PTPRR: variants seen among roughly 807,000 people sequenced by gnomAD.
PTPRR encodes protein tyrosine phosphatase receptor type R.
Under a neutral mutation model 77.2 loss-of-function variants are expected in PTPRR, and 38 were observed. The ratio of observed to expected loss-of-function variants is 0.49; its 90% confidence interval spans 0.38 to 0.65. The LOEUF is 0.65. Ranked by LOEUF, PTPRR falls within the 30% of genes least tolerant of loss-of-function variation. The pLI, the probability that PTPRR is intolerant of heterozygous loss-of-function variation, is 0.00. For synonymous variants in PTPRR, 299 were observed against 283.1 expected (o/e 1.06, Z -0.57); for missense variants, 744 against 799.2 (o/e 0.93, Z 0.83).
At chr12:70,758,222 A>C (rs1377677937) in intron 4 of PTPRR, among the ~76,000 whole-genome samples, 1 of 152,180 alleles carries the variant, frequency 6.6e-6, no homozygotes, top group Non-Finnish European at 1.5e-5. Flanking sequence ...TTTTATGAGA[A>C]TCTATCACAT....
intron 2 of PTPRR, among the ~76,000 whole-genome samples, chr12:70,815,969 C>T (rs917728880): frequency 3.9e-5 from 6 of 151,974 alleles, no homozygotes; most frequent in African/African-American, 1.2e-4. Context: ...TCACATATTG[C>T]GATGAACATG....
intron 1 of PTPRR, among the ~76,000 whole-genome samples, chr12:70,905,781 C>A (rs1893612325): frequency 6.6e-6 from 1 of 151,796 alleles, no homozygotes; most frequent in Admixed American, 6.6e-5. Flanking sequence ...AAGTCAATGT[C>A]AATAACTTGT....
intron 2 of PTPRR, among the ~76,000 whole-genome samples, chr12:70,865,836 T>C (rs999967280): frequency 2.0e-5 from 3 of 152,000 alleles, no homozygotes; most frequent in Admixed American, 6.6e-5. Context: ...TCTAAGGTGA[T>C]TGAGAGAGCA....
chr12:70,767,747 T>C (rs1250206731), intron 2 of PTPRR, among the ~76,000 whole-genome samples: 4 of 152,174 alleles, frequency 2.6e-5, no homozygotes, highest in Non-Finnish European at 4.4e-5. Context: ...TGTTCCAAAA[T>C]TGACCACATA....
intron 8 of PTPRR, among the ~76,000 whole-genome samples, chr12:70,685,563 T>C (rs1565646892): frequency 6.6e-6 from 1 of 151,486 alleles, no homozygotes. Context: ...GGCATGAGAA[T>C]TGCTTGAACC....
chr12:70,769,489 C>A (rs1032063939), intron 2 of PTPRR, among the ~76,000 whole-genome samples: 5 of 152,110 alleles, frequency 3.3e-5, no homozygotes, highest in Admixed American at 2.6e-4. Flanking sequence ...AACTACAAAC[C>A]ACTGCTCAAT....
At chr12:70,769,818 A>G in intron 2 of PTPRR, among the ~76,000 whole-genome samples, 1 of 152,088 alleles carries the variant, frequency 6.6e-6, no homozygotes, top group East Asian at 1.9e-4. Context: ...AGAGATATAG[A>G]TCAATGGAAC....
At position 70,808,901 on chromosome 12, in the gene PTPRR, ATCT is replaced by A. The variant is rs572228482; in HGVS notation, c.358-44126_358-44124del. Among the ~76,000 whole-genome samples, 7 of 152,234 alleles carry A rather than the reference ATCT, an allele frequency of 4.6e-5. No individual in the cohort carries two copies. The South Asian group carries it at 1.2e-3, about 27-fold the overall frequency. On this transcript the variant is annotated intron_variant, in intron 2 of 13. Coordinates refer to ENST00000283228, the MANE Select transcript of PTPRR (RefSeq NM_002849.4). ...CCCCAACCTAAGTGCTACTTCCATG[ATCT>A]TCTTACTCTAAATCAGAAATTGCTC...
At chr12:70,787,721 A>G (rs1040289497) in intron 2 of PTPRR, among the ~76,000 whole-genome samples, 5 of 152,240 alleles carry the variant, frequency 3.3e-5, no homozygotes, top group Non-Finnish European at 5.9e-5. Flanking sequence ...GCAGCCCTAT[A>G]TTTTGTGGGA....
At position 70,797,968 on chromosome 12, in the gene PTPRR, T is replaced by C. The variant is rs532401131; in HGVS notation, c.358-33190A>G. ...ATTCTATGTGCTGATATTTTCCAAA[T>C]GTCTCTGTCTTCAGCCAAAGTCTTT... On this transcript the variant is annotated intron_variant, in intron 2 of 13. Coordinates refer to ENST00000283228, the MANE Select transcript of PTPRR (RefSeq NM_002849.4). Among the ~76,000 whole-genome samples the C allele has an allele frequency of 5.8e-4, 89 of 152,342 alleles. No homozygotes were observed. The South Asian group carries it at 0.016, about 27-fold the overall frequency.
chr12:70,763,966 T>A (rs898456259), intron 3 of PTPRR, among the ~76,000 whole-genome samples: 26 of 151,708 alleles, frequency 1.7e-4, no homozygotes, highest in Admixed American at 7.2e-4. Flanking sequence ...GATTGACATA[T>A]AGGCCTAGAC....
chr12:70,846,979 TA>T (rs1168830477), intron 2 of PTPRR, among the ~76,000 whole-genome samples: 3 of 152,084 alleles, frequency 2.0e-5, no homozygotes, highest in African/African-American at 7.2e-5. Flanking sequence ...TGCCACTGTG[TA>T]AACTCCTGGC....
chr12:70,762,964 A>G (rs904715591), intron 3 of PTPRR, among the ~76,000 whole-genome samples: 1 of 152,094 alleles, frequency 6.6e-6, no homozygotes, highest in Non-Finnish European at 1.5e-5. Flanking sequence ...ACCCTTGCAA[A>G]CAGCTATTAT....
At chr12:70,784,979 A>G (rs923480638) in intron 2 of PTPRR, among the ~76,000 whole-genome samples, 6 of 152,226 alleles carry the variant, frequency 3.9e-5, no homozygotes, top group African/African-American at 1.4e-4. Context: ...GGTCAAAACA[A>G]TTTGGTTTTG....
intron 2 of PTPRR, among the ~76,000 whole-genome samples, chr12:70,855,457 G>C (rs1377386263): frequency 6.6e-6 from 1 of 152,106 alleles, no homozygotes; most frequent in Non-Finnish European, 1.5e-5. Flanking sequence ...AGACTGACTA[G>C]GGCCAAGAGC....
intron 10 of PTPRR, among the ~76,000 whole-genome samples, chr12:70,667,157 C>T (rs970538341): frequency 6.6e-6 from 1 of 151,642 alleles, no homozygotes; most frequent in South Asian, 2.1e-4. Flanking sequence ...GGAGTTTCAC[C>T]GTGTTAGCCA....
intron 6 of PTPRR, among the ~76,000 whole-genome samples, chr12:70,709,051 T>C (rs1037422444): frequency 6.6e-6 from 1 of 152,082 alleles, no homozygotes; most frequent in Non-Finnish European, 1.5e-5. Flanking sequence ...GTATCCTTGA[T>C]GAACATTGAT....
chr12:70,704,947 T>C (rs934705433), intron 6 of PTPRR, among the ~76,000 whole-genome samples: 1 of 152,044 alleles, frequency 6.6e-6, no homozygotes, highest in African/African-American at 2.4e-5. Context: ...AAAGGGAACA[T>C]AATAAAAAGC....
At position 70,694,257 on chromosome 12, in the gene PTPRR, A is replaced by C. The variant is rs191945976; in HGVS notation, c.1279+4008T>G. Among the ~76,000 whole-genome samples, 194 of 152,320 alleles carry C rather than the reference A, an allele frequency of 1.3e-3. 1 individual carries two copies. The highest frequency in any genetic ancestry group is 4.0e-3 in the African/African-American group (168 of 41,570). The stretch of plus-strand genomic sequence containing the variant: ...TATTAGATGTTAAAATTTTAAATAT[A>C]AAATGATGACCTGAGTAAATGGCAT... On this transcript the variant is annotated intron_variant, in intron 8 of 13. Coordinates refer to ENST00000283228, the MANE Select transcript of PTPRR (RefSeq NM_002849.4).
Sources: gnomAD v4.1 joint callset for allele counts (sites outside exome capture counted in the v4.1 genomes callset) on GRCh38, gnomAD v4.1.1 for gene constraint, MANE v1.5 for transcripts, NCBI Gene and HGNC (gene_info 2026-07-23, HGNC 2026-07-21) for gene names.